The following CFAP299 variants were observed in gnomAD, a reference collection of about 807,000 sequenced individuals.
CFAP299 encodes cilia- and flagella-associated protein 299.
Under a neutral mutation model 27.0 loss-of-function variants are expected in CFAP299, and 21 were observed. The observed-to-expected ratio is 0.78, with a 90% confidence interval of 0.55 to 1.12. The LOEUF (loss-of-function observed/expected upper bound fraction) is 1.12. CFAP299 is among the 50% of genes most tolerant of loss of function. The pLI, the probability that CFAP299 is intolerant of heterozygous loss-of-function variation, is 0.00. For synonymous variants in CFAP299, 104 were observed against 98.1 expected (o/e 1.06, Z -0.36); for missense variants, 310 against 276.6 (o/e 1.12, Z -0.86).
the CFAP299 span, among the ~76,000 whole-genome samples, chr4:80,328,856 C>T: frequency 6.6e-6 from 1 of 152,110 alleles, no homozygotes; most frequent in Non-Finnish European, 1.5e-5. Context: ...CCAGTCCTAA[C>T]TCATTGTTTT....
intron 2 of CFAP299, among the ~76,000 whole-genome samples, chr4:80,488,199 G>T (rs938039131): frequency 7.2e-5 from 11 of 152,144 alleles, no homozygotes; most frequent in Admixed American, 7.2e-4. Flanking sequence ...TAGTAAAATG[G>T]ACACAAACAC....
chr4:80,784,407 C>A (rs1727118142), intron 3 of CFAP299, among the ~76,000 whole-genome samples: 1 of 152,178 alleles, frequency 6.6e-6, no homozygotes, highest in Non-Finnish European at 1.5e-5. Context: ...GAGGTGATAT[C>A]TCATAGTGGT....
intron 3 of CFAP299, among the ~76,000 whole-genome samples, chr4:80,629,885 CAAAA>C (rs35985770): frequency 1.4e-5 from 2 of 144,978 alleles, no homozygotes; most frequent in Non-Finnish European, 3.0e-5. Context: ...AAAAAAAAAA[CAAAA>C]AAAACAAAAA....
At chr4:80,782,664 C>A (rs548542783) in intron 3 of CFAP299, among the ~76,000 whole-genome samples, 10 of 117,102 alleles carry the variant, frequency 8.5e-5, no homozygotes, top group African/African-American at 2.9e-4. Flanking sequence ...ATAATATATT[C>A]ATATATAATA....
chr4:80,809,678 T>C (rs1729042211), intron 3 of CFAP299, among the ~76,000 whole-genome samples: 1 of 152,154 alleles, frequency 6.6e-6, no homozygotes, highest in Non-Finnish European at 1.5e-5. Flanking sequence ...ACAAATTCTC[T>C]GTTTTCATGA....
intron 2 of CFAP299, among the ~76,000 whole-genome samples, chr4:80,390,409 G>A (rs1265942475): frequency 6.6e-6 from 1 of 151,286 alleles, no homozygotes; most frequent in East Asian, 1.9e-4. Context: ...TTGACATAAT[G>A]TCCTCCAGGT....
intron 3 of CFAP299, among the ~76,000 whole-genome samples, chr4:80,717,135 AAT>A (rs1383886872): frequency 6.6e-6 from 1 of 152,164 alleles, no homozygotes; most frequent in African/African-American, 2.4e-5. Flanking sequence ...TGAAGTTTTC[AAT>A]ATGTCAGGAA....
At chr4:80,472,684 A>G (rs1367815433) in intron 2 of CFAP299, among the ~76,000 whole-genome samples, 1 of 152,138 alleles carries the variant, frequency 6.6e-6, no homozygotes, top group Non-Finnish European at 1.5e-5. Context: ...CCACTTATTA[A>G]AAGCATGCAG....
At chr4:80,742,173 G>C (rs1380353323) in intron 3 of CFAP299, among the ~76,000 whole-genome samples, 1 of 152,084 alleles carries the variant, frequency 6.6e-6, no homozygotes, top group Non-Finnish European at 1.5e-5. Context: ...TTGCTCATGT[G>C]ATTTTGTATT....
chr4:80,682,353 C>A (rs374147759), intron 3 of CFAP299, among the ~76,000 whole-genome samples: 1 of 152,044 alleles, frequency 6.6e-6, no homozygotes, highest in South Asian at 2.1e-4. Context: ...TCTTTTGAAC[C>A]TACCTTCTCC....
chr4:80,624,814 A>G (rs557452836), intron 3 of CFAP299, among the ~76,000 whole-genome samples: 272 of 152,288 alleles, frequency 1.8e-3, no homozygotes, highest in African/African-American at 6.0e-3. Flanking sequence ...TCTATAGTCC[A>G]GGAGAGAAGA....
intron 3 of CFAP299, among the ~76,000 whole-genome samples, chr4:80,732,937 G>C (rs1006059813): frequency 2.0e-5 from 3 of 152,034 alleles, no homozygotes; most frequent in Non-Finnish European, 4.4e-5. Flanking sequence ...TAATGTGCTT[G>C]GCATAGATTA....
At chr4:80,735,008 A>C (rs1056751172) in intron 3 of CFAP299, among the ~76,000 whole-genome samples, 6 of 152,172 alleles carry the variant, frequency 3.9e-5, no homozygotes, top group Non-Finnish European at 7.4e-5. Context: ...GTATTTTGAT[A>C]CAAATTGCAT....
At chr4:80,687,979 G>A (rs541227048) in intron 3 of CFAP299, among the ~76,000 whole-genome samples, 107 of 152,298 alleles carry the variant, frequency 7.0e-4, no homozygotes, top group Non-Finnish European at 1.2e-3. Flanking sequence ...GCGCTTTTCC[G>A]AAGGGCTTAA....
chr4:80,881,595 A>G (rs1287902635), intron 4 of CFAP299, among the ~76,000 whole-genome samples: 1 of 152,220 alleles, frequency 6.6e-6, no homozygotes, highest in Non-Finnish European at 1.5e-5. Flanking sequence ...ACTATTGACC[A>G]GTGTGTATGC....
chr4:80,533,074 C>G (rs1733555725), intron 2 of CFAP299, among the ~76,000 whole-genome samples: 1 of 152,170 alleles, frequency 6.6e-6, no homozygotes, highest in Non-Finnish European at 1.5e-5. Flanking sequence ...TTATTGAATT[C>G]CTTCTAAGTA....
intron 4 of CFAP299, among the ~76,000 whole-genome samples, chr4:80,939,572 T>G (rs754817101): frequency 6.6e-6 from 1 of 152,200 alleles, no homozygotes; most frequent in Non-Finnish European, 1.5e-5. Context: ...AATTTAATTG[T>G]AAATCTGTGT....
At chr4:80,375,693 A>G (rs996438932) in intron 2 of CFAP299, among the ~76,000 whole-genome samples, 3 of 152,278 alleles carry the variant, frequency 2.0e-5, no homozygotes, top group African/African-American at 4.8e-5. Context: ...CTTAATGCCC[A>G]TGGGCAAAGT....
intron 3 of CFAP299, among the ~76,000 whole-genome samples, chr4:80,867,827 T>TA (rs1319716217): frequency 6.6e-6 from 1 of 152,236 alleles, no homozygotes; most frequent in Non-Finnish European, 1.5e-5. Flanking sequence ...TGTCAACATA[T>TA]GAATTTGGGG....
Sources: gnomAD v4.1 joint callset for allele counts (sites outside exome capture counted in the v4.1 genomes callset) on GRCh38, gnomAD v4.1.1 for gene constraint, MANE v1.5 for transcripts, NCBI Gene and HGNC (gene_info 2026-07-23, HGNC 2026-07-21) for gene names.